The following MEX3C variants were observed in gnomAD, a reference collection of about 807,000 sequenced individuals.
MEX3C encodes the protein RNA-binding E3 ubiquitin-protein ligase MEX3C.
A neutral mutation model predicts 35.5 loss-of-function variants in MEX3C; 15 were observed. The ratio of observed to expected loss-of-function variants is 0.42; its 90% CI spans 0.28 to 0.65. MEX3C has a LOEUF of 0.65. Ranked by LOEUF, MEX3C falls within the 30% of genes least tolerant of loss-of-function variation. The pLI is 0.20. For missense variants in MEX3C, 711 were observed against 842.8 expected, an observed-to-expected ratio of 0.84 and a Z score of 1.94; for synonymous variants, 390 against 352.8, an observed-to-expected ratio of 1.11 and a Z score of -1.18.
chr18:51,188,049 T>C (rs1306108035), intron 1 of MEX3C, among the ~76,000 whole-genome samples: 2 of 152,222 alleles, frequency 1.3e-5, no homozygotes, highest in African/African-American at 4.8e-5. Flanking sequence ...AAGAATGCAA[T>C]GTATTCCTAA....
At chr18:51,186,418 C>A (rs1912539142) in intron 1 of MEX3C, among the ~76,000 whole-genome samples, 1 of 152,162 alleles carries the variant, frequency 6.6e-6, no homozygotes, top group Non-Finnish European at 1.5e-5. Context: ...GAGGGAACTG[C>A]AAGTGCAAAA....
At chr18:51,185,263 T>TCA (rs1346329926) in intron 1 of MEX3C, among the ~76,000 whole-genome samples, 1 of 152,124 alleles carries the variant, frequency 6.6e-6, no homozygotes, top group Non-Finnish European at 1.5e-5. Flanking sequence ...CAGCTGAGGG[T>TCA]CATTCCCAGC....
intron 1 of MEX3C, among the ~76,000 whole-genome samples, chr18:51,181,516 A>T (rs1912430703): frequency 6.7e-6 from 1 of 148,758 alleles, no homozygotes; most frequent in African/African-American, 2.5e-5. Context: ...ATGCTAGTAA[A>T]GAGTGGGGAA....
At position 51,176,717 on chromosome 18, in the gene MEX3C, C is replaced by G; in HGVS notation, c.1614G>C (p.Gln538His). 1.2e-6 allele frequency: 2 copies of G among 1,614,030 alleles called. No homozygotes were observed. The highest frequency in any genetic ancestry group is 1.7e-6 in the Non-Finnish European group (2 of 1,179,900). Residue 538 changes from glutamine to histidine, a missense_variant, in exon 2 of 2, where the codon CAG (glutamine) becomes CAC (histidine). Around this residue, in one of 4 missense-constraint regions of MEX3C, gnomAD observed 187 missense variants for 201.7 expected, o/e 0.93. Coordinates refer to ENST00000406189, the MANE Select transcript of MEX3C (RefSeq NM_016626.5). The part of the protein sequence containing the change: ...GNMKTQRRGS[Q>H]PSTPRLSPTF... ...TAGGAGACAGACGAGGAGTAGATGG[C>G]TGACTTCCTCTGCGCTGAGTCTTCA...
chr18:51,196,486 T>G, intron 1 of MEX3C, 81 bp downstream of exon 1: 2 of 1,496,398 alleles, frequency 1.3e-6, no homozygotes, highest in Non-Finnish European at 1.8e-6. Flanking sequence ...GTTCGCCTTT[T>G]CCGTCCCACG....
At position 51,176,131 on chromosome 18, in the gene MEX3C, G is replaced by A. The variant is rs1011686063; in HGVS notation, c.*220C>T. 2 of 481,158 alleles carry A rather than the reference G, an allele frequency of 4.2e-6. No homozygotes were observed. Among genetic ancestry groups the A allele is most frequent in the Non-Finnish European group, 3.6e-6 (1 of 275,556 alleles). The allele number at this position is 481,158 out of a possible 1,614,324, so 29.8% of individuals were successfully genotyped here. ...ATAAACTATGTCTCTGGGTCTACAG[G>A]ATAGTACTAATAATTCAAACCAAAC... On this transcript the variant is annotated 3_prime_UTR_variant, in exon 2 of 2. Coordinates refer to ENST00000406189, the MANE Select transcript of MEX3C (RefSeq NM_016626.5).
chr18:51,192,930 A>T (rs1042880089), intron 1 of MEX3C: 27 of 152,154 alleles, frequency 1.8e-4, no homozygotes, highest in African/African-American at 6.3e-4. Flanking sequence ...GAAACTATTT[A>T]TTCTCATGAA....
At chr18:51,185,301 T>C (rs1330000369) in intron 1 of MEX3C, among the ~76,000 whole-genome samples, 3 of 152,198 alleles carry the variant, frequency 2.0e-5, no homozygotes, top group African/African-American at 4.8e-5. Context: ...ATTCCCTGGC[T>C]TGTGACTCAT....
Position 51,196,872 on chromosome 18 carries a change from G to C in MEX3C, c.449C>G (p.Thr150Ser), listed in dbSNP as rs149809554. ...CGGGATCTGCTGGGTCTGAGAGGCG[G>C]TGGCCGCGGGCGGCGACAGCAGCAG... The part of the protein sequence containing the change: ...SLLLLSPPAA[T>S]ASQTQQIPGG... Residue 150 changes from threonine to serine, a missense_variant, in exon 1 of 2, where the codon ACC becomes AGC. This residue lies in a region of MEX3C where 354 missense variants were observed against 311.6 expected (regional missense o/e 1.14). Coordinates refer to ENST00000406189, the MANE Select transcript of MEX3C (RefSeq NM_016626.5). The C allele has an allele frequency of 3.5e-3, 5,455 of 1,539,720 alleles. 178 individuals are homozygous for C. In the African/African-American group the frequency reaches 0.066, roughly 19 times the overall value.
At position 51,176,110 on chromosome 18, in the gene MEX3C, A is replaced by C. The variant is rs934712911; in HGVS notation, c.*241T>G. On this transcript the variant is annotated 3_prime_UTR_variant, in exon 2 of 2. Transcript: ENST00000406189. ...TTCAGCTTTAGCAATTCTTATATAA[A>C]CTATGTCTCTGGGTCTACAGGATAG... 5.4e-6 allele frequency: 2 copies of C among 373,196 alleles called. No homozygotes were observed. Among genetic ancestry groups the C allele is most frequent in the Non-Finnish European group, 9.5e-6 (2 of 209,802 alleles). 23.1% of individuals were successfully genotyped at this position (373,196 alleles called of 1,614,324 possible).
At chr18:51,193,964 A>G (rs1912715735) in intron 1 of MEX3C, 1 of 152,246 alleles carries the variant, frequency 6.6e-6, no homozygotes. Flanking sequence ...TGTCAAATAG[A>G]AAATTATGGC....
chr18:51,191,245 T>A (rs1912643234), intron 1 of MEX3C, among the ~76,000 whole-genome samples: 1 of 152,104 alleles, frequency 6.6e-6, no homozygotes. Context: ...TGAAGTTAGG[T>A]GTGGCCAGAT....
rs758252698 is a variant in MEX3C, at chr18:51,176,337, GTA to G, written c.*12_*13del. The G allele has an allele frequency of 3.9e-5, 62 of 1,582,998 alleles. No homozygotes were observed. Among genetic ancestry groups the G allele is most frequent in the Admixed American group, 8.8e-5 (5 of 56,938 alleles). The stretch of plus-strand genomic sequence containing the variant: ...GTCCATATAGAGATATAGTATTTAT[GTA>G]TATATATATAGTTAAGAGTGAATTT... On this transcript the variant is annotated 3_prime_UTR_variant, in exon 2 of 2. Transcript: ENST00000406189.
chr18:51,180,531 G>A (rs1221007641), intron 1 of MEX3C, among the ~76,000 whole-genome samples: 2 of 152,152 alleles, frequency 1.3e-5, no homozygotes, highest in Non-Finnish European at 2.9e-5. Flanking sequence ...AGGTTGGAGT[G>A]CAGTGGCACC....
intron 1 of MEX3C, chr18:51,196,343 G>T: frequency 1.9e-6 from 2 of 1,060,966 alleles, no homozygotes; most frequent in Non-Finnish European, 2.6e-6. Context: ...TGGGTCGCCC[G>T]AGAAACTTCA....
In MEX3C at chr18:51,197,589, G is replaced by A. The variant is rs947697014; in HGVS notation, c.-269C>T. Among the ~76,000 whole-genome samples, 3 of 151,026 alleles carry A rather than the reference G, an allele frequency of 2.0e-5. No homozygotes were observed. Among genetic ancestry groups the A allele is most frequent in the African/African-American group, 4.9e-5 (2 of 41,100 alleles). ...GGGGCGGGCTGGTGGAGGTGGCAGC[G>A]GCTCCCCTCTCAGTGTTTCTTTTGT... On this transcript the variant is annotated 5_prime_UTR_variant, in exon 1 of 2. Coordinates refer to ENST00000406189, the MANE Select transcript of MEX3C (RefSeq NM_016626.5).
chr18:51,197,294 C>G lies in MEX3C; in HGVS notation c.27G>C (p.Leu9=). ...GGGGGGCCGGGGCCGCCGCCAGGGC[C>G]AGGGCCGCGGAGCTGCCGCTGGGCA... MPSGSSAA[L]ALAAAPAPLP... is the part of the protein sequence containing the mutation. Residue 9 remains leucine (L), a synonymous_variant, in exon 1 of 2, where the codon CTG becomes CTC. Transcript: ENST00000406189. The G allele has an allele frequency of 2.9e-6, 2 of 698,150 alleles. No homozygotes were observed. Among genetic ancestry groups the G allele is most frequent in the Non-Finnish European group, 3.5e-6 (2 of 570,196 alleles). The allele number at this position is 698,150 out of a possible 1,614,324, so 43.2% of individuals were successfully genotyped here.
At position 51,197,000 on chromosome 18, in the gene MEX3C, C is replaced by T. The variant is rs1180337576; in HGVS notation, c.321G>A (p.Glu107=). ...CCCCCTCCTCCTCGTCCTCTTCCAG[C>T]TCCAGCTCGGCCGCCTCCGGGGCCC... The part of the protein sequence containing the change: ...RPGAPEAAEL[E]LEEDEEEGEE... Residue 107 remains glutamate (E), a synonymous_variant, in exon 1 of 2, where the codon GAG becomes GAA. Transcript: ENST00000406189. The T allele has an allele frequency of 2.0e-6, 3 of 1,530,604 alleles. No homozygotes were observed. In the Admixed American group the frequency reaches 6.0e-5, roughly 30 times the overall value. The allele number at this position is 1,530,604 out of a possible 1,614,324, so 94.8% of individuals were successfully genotyped here. A position where few individuals can be genotyped will look rare whatever the true frequency, so the allele number is the denominator to read the frequency against.
rs920974295 is a variant in MEX3C at position 51,178,403 on chromosome 18, A to G, written c.755-827T>C. On this transcript the variant is annotated intron_variant, in intron 1 of 1. Transcript: ENST00000406189. ...TTTTTTTTTTTTTGAGTAATCACAG[A>G]TTACTAGTGCCAACTATGTGAAGAT... Among the ~76,000 whole-genome samples, 3 of 150,992 alleles carry G rather than the reference A, an allele frequency of 2.0e-5. No individual in the cohort carries two copies. The South Asian group carries it at 6.2e-4, about 31-fold the overall frequency.
Sources: gnomAD v4.1 joint callset for allele counts (sites outside exome capture counted in the v4.1 genomes callset) on GRCh38, gnomAD v4.1.1 for gene constraint, gnomAD v4.1.1 regional missense constraint, MANE v1.5 for transcripts, NCBI Gene and HGNC (gene_info 2026-07-23, HGNC 2026-07-21) for gene names.